The following DAGLA variants were observed in gnomAD, a reference collection of about 807,000 sequenced individuals.
DAGLA encodes diacylglycerol lipase alpha, also known as diacylglycerol lipase-alpha.
In DAGLA, 22 loss-of-function variants were observed where a neutral mutation model predicts 102.6. That is an observed-to-expected ratio of 0.21 (90% confidence interval 0.15 to 0.31). DAGLA has a LOEUF of 0.31. DAGLA is among the 10% of genes least tolerant of loss of function. The probability of loss-of-function intolerance (pLI) is 1.00; values close to 1 mark genes in which losing one functional copy is unlikely to be tolerated. For synonymous variants in DAGLA, 578 were observed against 628.9 expected (o/e 0.92, Z 1.21); for missense variants, 927 against 1,446.6 (o/e 0.64, Z 5.83).
rs531229824 is a variant in DAGLA, at chr11:61,740,538, G to A, written c.1929G>A (p.Ser643=). Residue 643 remains serine (S), a synonymous_variant, in exon 18 of 20, where the codon TCG becomes TCA. Coordinates refer to ENST00000257215, the MANE Select transcript of DAGLA (RefSeq NM_006133.3). ...AGGCCTTCAATGAGGTGATCATCTC[G>A]CCAGCCATGCTGCATGAGCACCTGC... The part of the protein sequence containing the change: ...DNKAFNEVII[S]PAMLHEHLPY... 9.9e-6 allele frequency: 16 copies of A among 1,613,682 alleles called. No homozygotes were observed. Among genetic ancestry groups the A allele is most frequent in the East Asian group, 4.5e-5 (2 of 44,894 alleles).
rs138347434 is a variant in DAGLA, at chr11:61,726,618, G to T, written c.636+536G>T. Reference sequence around the variant, plus strand: ...AGGCAGGCCCCGGGATCATCCAGGGGTGCCCCGCAGCGGGCAGGGACCTTA... The same window carrying T: ...AGGCAGGCCCCGGGATCATCCAGGGTTGCCCCGCAGCGGGCAGGGACCTTA... On this transcript the variant is annotated intron_variant, in intron 6 of 19. Coordinates refer to ENST00000257215, the MANE Select transcript of DAGLA (RefSeq NM_006133.3). Among the ~76,000 whole-genome samples, 296 of 152,324 alleles carry T rather than the reference G, an allele frequency of 1.9e-3. 1 individual carries two copies. The highest frequency in any genetic ancestry group is 6.4e-3 in the African/African-American group (268 of 41,580).
At chr11:61,695,747 T>C (rs1034548916) in intron 1 of DAGLA, among the ~76,000 whole-genome samples, 1 of 152,228 alleles carries the variant, frequency 6.6e-6, no homozygotes, top group African/African-American at 2.4e-5. Flanking sequence ...CTGCTCTCTA[T>C]CTTGCCTTTT....
chr11:61,743,042 C>A (rs1033706149), intron 19 of DAGLA, among the ~76,000 whole-genome samples: 2 of 152,136 alleles, frequency 1.3e-5, no homozygotes, highest in Admixed American at 6.5e-5. Flanking sequence ...TGTCTTCTAT[C>A]TTGGGTTCTT....
rs2065299713 is a variant in DAGLA, at chr11:61,723,376, G to A, written c.410-58G>A. The stretch of plus-strand genomic sequence containing the variant: ...TCCAATGTCCCTTTCTTCAGAGCGG[G>A]TGAGCCAGAGAGGTGTCCCCAGCGC... On this transcript the variant is annotated intron_variant, in intron 4 of 19. Transcript: ENST00000257215. 2.5e-6 allele frequency: 4 copies of A among 1,587,728 alleles called. No individual in the cohort carries two copies. In the Admixed American group the frequency reaches 6.8e-5, roughly 27 times the overall value.
At chr11:61,695,203 G>A (rs553372682) in intron 1 of DAGLA, among the ~76,000 whole-genome samples, 3 of 152,310 alleles carry the variant, frequency 2.0e-5, no homozygotes, top group Non-Finnish European at 2.9e-5. Flanking sequence ...CTGGGGAACC[G>A]GGTGGGAGGA....
chr11:61,719,274 A>G (rs918048592), intron 1 of DAGLA, among the ~76,000 whole-genome samples: 12 of 152,194 alleles, frequency 7.9e-5, no homozygotes, highest in Admixed American at 3.9e-4. Context: ...ATCCAGCTGG[A>G]AAAGCTGCAT....
chr11:61,721,859 A>G (rs955645721), intron 3 of DAGLA, among the ~76,000 whole-genome samples: 4 of 152,242 alleles, frequency 2.6e-5, no homozygotes, highest in Non-Finnish European at 5.9e-5. Flanking sequence ...CTCTCACACA[A>G]CTAGTAAGCG....
chr11:61,728,392 C>T, intron 7 of DAGLA, 105 bp downstream of exon 7: 2 of 1,409,474 alleles, frequency 1.4e-6, no homozygotes, highest in Non-Finnish European at 1.9e-6. Flanking sequence ...CCACGCAGCT[C>T]CCCAGTGACC....
At chr11:61,719,614 C>T (rs2065265587) in intron 1 of DAGLA, among the ~76,000 whole-genome samples, 1 of 152,246 alleles carries the variant, frequency 6.6e-6, no homozygotes. Flanking sequence ...CATACAGGGT[C>T]CCTTGCCCCC....
chr11:61,708,658 C>T (rs993606500), intron 1 of DAGLA, among the ~76,000 whole-genome samples: 9 of 152,232 alleles, frequency 5.9e-5, no homozygotes, highest in African/African-American at 1.9e-4. Context: ...GCTGGGACTA[C>T]AGGCGTGAGC....
chr11:61,721,117 T>C (rs753843007), intron 3 of DAGLA, among the ~76,000 whole-genome samples: 1 of 152,200 alleles, frequency 6.6e-6, no homozygotes, highest in Non-Finnish European at 1.5e-5. Context: ...GGTTTTAGGC[T>C]GGGTGTGGTG....
chr11:61,716,598 G>A (rs1287975614), intron 1 of DAGLA, among the ~76,000 whole-genome samples: 2 of 152,110 alleles, frequency 1.3e-5, no homozygotes, highest in Admixed American at 6.5e-5. Context: ...CACCAGGATC[G>A]CTTTCTGCTC....
intron 1 of DAGLA, among the ~76,000 whole-genome samples, chr11:61,705,013 T>C (rs2065138093): frequency 6.6e-6 from 1 of 151,604 alleles, no homozygotes; most frequent in African/African-American, 2.4e-5. Flanking sequence ...TCGCCTGAGC[T>C]CGGGACTGGG....
chr11:61,735,660 C>T lies in DAGLA; in HGVS notation c.1212+16C>T. Reference sequence around the variant, plus strand: ...GTCCCCCAAGGTACGCTGCCCATGGCTCCCAGCCCCCGGGGGTGCCTGCCT... The same window carrying T: ...GTCCCCCAAGGTACGCTGCCCATGGTTCCCAGCCCCCGGGGGTGCCTGCCT... On this transcript the variant is annotated intron_variant, in intron 11 of 19. Coordinates refer to ENST00000257215, the MANE Select transcript of DAGLA (RefSeq NM_006133.3). The T allele has an allele frequency of 1.2e-6, 2 of 1,613,608 alleles. No individual in the cohort carries two copies. The highest frequency in any genetic ancestry group is 1.7e-6 in the Non-Finnish European group (2 of 1,179,642).
chr11:61,708,254 C>T (rs1420184440), intron 1 of DAGLA, among the ~76,000 whole-genome samples: 8 of 152,300 alleles, frequency 5.3e-5, no homozygotes, highest in Middle Eastern at 3.4e-3. Context: ...GTCATCCGCC[C>T]GCTTAGGCCT....
In DAGLA at chr11:61,684,289, A is replaced by G. The variant is rs149791126; in HGVS notation, c.-45+3785A>G. Among the ~76,000 whole-genome samples, 202 of 152,380 alleles carry G rather than the reference A, an allele frequency of 1.3e-3. No homozygotes were observed. The highest frequency in any genetic ancestry group is 4.4e-3 in the African/African-American group (185 of 41,592). On this transcript the variant is annotated intron_variant, in intron 1 of 19. Transcript: ENST00000257215. The surrounding 1 kb of genome is among the most constrained non-coding windows in gnomAD (Gnocchi z 4.5). Reference sequence around the variant, plus strand: ...GCAAGTAGCGCTGGGGGAAATATCAATGAGCATGTGGTCAGAGGAAGATAA... The same window carrying G: ...GCAAGTAGCGCTGGGGGAAATATCAGTGAGCATGTGGTCAGAGGAAGATAA...
chr11:61,721,006 A>C, intron 3 of DAGLA, 116 bp downstream of exon 3: 1 of 971,944 alleles, frequency 1.0e-6, no homozygotes, highest in Non-Finnish European at 1.5e-6. Context: ...ACTGGGGTAC[A>C]GCAGTGAACT....
chr11:61,742,005 A>C (rs2065484671), intron 19 of DAGLA, among the ~76,000 whole-genome samples: 1 of 152,238 alleles, frequency 6.6e-6, no homozygotes, highest in Non-Finnish European at 1.5e-5. Flanking sequence ...ACATGTGCAC[A>C]CAATTATTAG....
chr11:61,732,154 G>A (rs993698579), intron 9 of DAGLA, among the ~76,000 whole-genome samples: 4 of 152,186 alleles, frequency 2.6e-5, no homozygotes, highest in Admixed American at 1.3e-4. Context: ...CTCAGCTCAT[G>A]CCAGGCAGAA....
Sources: allele counts gnomAD v4.1 joint callset (sites outside exome capture counted in the v4.1 genomes callset), GRCh38; gene constraint gnomAD v4.1.1; non-coding constraint Gnocchi (gnomAD v3.1); transcripts MANE v1.5; gene names NCBI Gene and HGNC (gene_info 2026-07-23, HGNC 2026-07-21).